Variants in ELF2 observed in about 807,000 individuals in gnomAD.
ELF2 encodes the protein ETS-related transcription factor Elf-2.
Under a neutral mutation model 54.8 loss-of-function variants are expected in ELF2, and 11 were observed. The ratio of observed to expected loss-of-function variants is 0.20; its 90% CI spans 0.13 to 0.33. The LOEUF is 0.33. Among genes scored for constraint, ELF2 ranks in the 10% least tolerant of loss-of-function variants. The pLI is 1.00. For synonymous variants in ELF2, 203 were observed against 245.1 expected (o/e 0.83, Z 1.61); for missense variants, 513 against 703.0 (o/e 0.73, Z 3.06).
chr4:139,166,805 T>C (rs1741773200), intron 1 of ELF2, among the ~76,000 whole-genome samples: 1 of 152,164 alleles, frequency 6.6e-6, no homozygotes, highest in South Asian at 2.1e-4. Flanking sequence ...GAGGCAGAGC[T>C]TGCAGTGAGC....
chr4:139,132,937 G>C (rs1336658578), intron 3 of ELF2, among the ~76,000 whole-genome samples: 1 of 148,120 alleles, frequency 6.8e-6, no homozygotes, highest in East Asian at 2.0e-4. Context: ...CTGTCCCCAG[G>C]CTGGAGTGCA....
At chr4:139,151,032 A>AAAAGAAAGAAAGAAAGAAAGAAAG (rs71600182) in intron 1 of ELF2, among the ~76,000 whole-genome samples, 22 of 102,526 alleles carry the variant, frequency 2.1e-4, no homozygotes, top group African/African-American at 4.6e-4. Flanking sequence ...TCAAAAAAAA[A>AAAAGAAAGAAAGAAAGAAAGAAAG]AAAGAAAGAA....
At chr4:139,160,893 G>A (rs1036167722) in intron 1 of ELF2, among the ~76,000 whole-genome samples, 31 of 152,164 alleles carry the variant, frequency 2.0e-4, no homozygotes, top group African/African-American at 6.8e-4. Context: ...AACCCGGGAG[G>A]TGGAGGTTGC....
At chr4:139,174,003 C>G (rs906593026) in intron 1 of ELF2, among the ~76,000 whole-genome samples, 1 of 150,102 alleles carries the variant, frequency 6.7e-6, no homozygotes, top group Non-Finnish European at 1.5e-5. Flanking sequence ...GCGGGCGGAT[C>G]ACGAGGTCAG....
At chr4:139,104,296 G>T (rs1387571168) in intron 4 of ELF2, among the ~76,000 whole-genome samples, 1 of 152,100 alleles carries the variant, frequency 6.6e-6, no homozygotes. Flanking sequence ...GATCACTTGA[G>T]GTCAGGAGTT....
Position 139,059,403 on chromosome 4 carries a change from C to A in ELF2, c.1362G>T (p.Met454Ile). ...GGATGGTAATAATTTTGGCAGGCTGCATGGTGATTTTGTCTCCATTTTCAG... is the reference window on the plus strand; with the variant it reads ...GGATGGTAATAATTTTGGCAGGCTGAATGGTGATTTTGTCTCCATTTTCAG... ...ASTENGDKIT[M>I]QPAKIITIPA... Residue 454 changes from methionine (M) to isoleucine (I), a missense_variant, in exon 10 of 10, where the codon ATG (methionine) becomes ATT (isoleucine). By Grantham distance (10) the Met-to-Ile change is conservative. This residue lies in a region of ELF2 where 291 missense variants were observed against 366.1 expected (regional missense o/e 0.79). Transcript: ENST00000686138. 1 of 1,613,938 alleles carries A rather than the reference C, an allele frequency of 6.2e-7. No homozygotes were observed. The highest frequency in any genetic ancestry group is 1.1e-5 in the South Asian group (1 of 91,078).
intron 4 of ELF2, among the ~76,000 whole-genome samples, chr4:139,112,451 T>C (rs1735050886): frequency 6.6e-6 from 1 of 152,252 alleles, no homozygotes; most frequent in Non-Finnish European, 1.5e-5. Flanking sequence ...TATTCAGCTC[T>C]GAGGCTGGGA....
chr4:139,092,172 G>A (rs1176744668), intron 4 of ELF2, among the ~76,000 whole-genome samples: 1 of 151,458 alleles, frequency 6.6e-6, no homozygotes, highest in Non-Finnish European at 1.5e-5. Context: ...GACCAGCCTG[G>A]CAAACATGGT....
rs550781436 is a variant in ELF2 at position 139,097,857 on chromosome 4, A to G, written c.239-24290T>C. The stretch of plus-strand genomic sequence containing the variant: ...CCCAGGCTGGAGTACAATGTGGCCT[A>G]TAGGTGAGTGCCACCATGCCCAGCT... On this transcript the variant is annotated intron_variant, in intron 4 of 9. Coordinates refer to ENST00000686138, the MANE Select transcript of ELF2 (RefSeq NM_001331036.3). Among the ~76,000 whole-genome samples, 11 of 152,228 alleles carry G rather than the reference A, an allele frequency of 7.2e-5. No individual in the cohort carries two copies. In the East Asian group the frequency reaches 2.1e-3, roughly 29 times the overall value.
intron 1 of ELF2, among the ~76,000 whole-genome samples, chr4:139,160,934 GCT>G (rs1219190894): frequency 6.6e-6 from 1 of 152,140 alleles, no homozygotes; most frequent in Non-Finnish European, 1.5e-5. Context: ...CTGCAGTCCA[GCT>G]TCGGCAACAG....
intron 6 of ELF2, among the ~76,000 whole-genome samples, chr4:139,069,027 G>A (rs192121768): frequency 9.9e-5 from 15 of 151,940 alleles, no homozygotes; most frequent in East Asian, 3.9e-4. Context: ...GCACCACCAC[G>A]TCCAGCTAAT....
chr4:139,119,096 T>C (rs377396370), intron 4 of ELF2, among the ~76,000 whole-genome samples: 24 of 152,252 alleles, frequency 1.6e-4, no homozygotes, highest in African/African-American at 5.3e-4. Flanking sequence ...TCTTTGATTC[T>C]TCTCCACTCT....
chr4:139,079,741 A>G (rs1730832288), intron 4 of ELF2, among the ~76,000 whole-genome samples: 1 of 152,060 alleles, frequency 6.6e-6, no homozygotes, highest in Non-Finnish European at 1.5e-5. Context: ...GTAAAACCCC[A>G]TTTCTACTAA....
chr4:139,069,888 C>A (rs575302049), intron 6 of ELF2, among the ~76,000 whole-genome samples: 2 of 152,086 alleles, frequency 1.3e-5, no homozygotes, highest in East Asian at 3.9e-4. Flanking sequence ...ACTCTGTCGC[C>A]CAGGCTGGAA....
chr4:139,073,168 A>G (rs1016596860), intron 5 of ELF2, among the ~76,000 whole-genome samples: 31 of 152,234 alleles, frequency 2.0e-4, no homozygotes, highest in African/African-American at 5.8e-4. Flanking sequence ...ATGAAGGCTT[A>G]TAACTTGCCC....
At position 139,137,822 on chromosome 4, in the gene ELF2, T is replaced by G. The variant is rs1356304242; in HGVS notation, c.-121A>C. ...AAAAGTCAATAGAGATGGAGTGGAG[T>G]AGATATCCAGAAATCCAGTCTTCTA... On this transcript the variant is annotated 5_prime_UTR_variant, in exon 3 of 10. Transcript: ENST00000686138. 6 of 1,414,280 alleles carry G rather than the reference T, an allele frequency of 4.2e-6. No individual in the cohort carries two copies. The African/African-American group carries it at 7.2e-5, about 17-fold the overall frequency. 87.6% of individuals were successfully genotyped at this position (1,414,280 alleles called of 1,614,324 possible).
In ELF2 at chr4:139,103,848, A is replaced by G. The variant is rs145091397; in HGVS notation, c.238+21316T>C. On this transcript the variant is annotated intron_variant, in intron 4 of 9. Coordinates refer to ENST00000686138, the MANE Select transcript of ELF2 (RefSeq NM_001331036.3). ...CTTCTGTGTTAACTGTTGAGAGCATAGTGAGACAAAGAGTTTGCTTTTCTA... is the reference window on the plus strand; with the variant it reads ...CTTCTGTGTTAACTGTTGAGAGCATGGTGAGACAAAGAGTTTGCTTTTCTA... Among the ~76,000 whole-genome samples, 264 of 152,378 alleles carry G rather than the reference A, an allele frequency of 1.7e-3. 2 individuals are homozygous for G. Among genetic ancestry groups the G allele is most frequent in the African/African-American group, 6.1e-3 (253 of 41,590 alleles).
At position 139,075,677 on chromosome 4, in the gene ELF2, C is replaced by T. The variant is rs536064569; in HGVS notation, c.239-2110G>A. ...CTCCTGACCTCAGGTGATACACCCGCCTCGGCCTCTCAAAGTGCTGGGATT... is the reference window on the plus strand; with the variant it reads ...CTCCTGACCTCAGGTGATACACCCGTCTCGGCCTCTCAAAGTGCTGGGATT... On this transcript the variant is annotated intron_variant, in intron 4 of 9. Transcript: ENST00000686138. Among the ~76,000 whole-genome samples, 248 of 152,318 alleles carry T rather than the reference C, an allele frequency of 1.6e-3. 2 individuals carry two copies. Among genetic ancestry groups the T allele is most frequent in the African/African-American group, 5.9e-3 (244 of 41,568 alleles).
At chr4:139,144,263 A>T (rs922330576) in intron 1 of ELF2, among the ~76,000 whole-genome samples, 3 of 152,042 alleles carry the variant, frequency 2.0e-5, no homozygotes, top group African/African-American at 7.2e-5. Context: ...CCTTAACCCC[A>T]CCCAGTGCTA....
Sources: gnomAD v4.1 joint callset for allele counts (sites outside exome capture counted in the v4.1 genomes callset) on GRCh38, gnomAD v4.1.1 for gene constraint, gnomAD v4.1.1 regional missense constraint, MANE v1.5 for transcripts, NCBI Gene and HGNC (gene_info 2026-07-23, HGNC 2026-07-21) for gene names.